Variants in AKAP12 observed in about 807,000 individuals in gnomAD.
AKAP12 encodes the protein A-kinase anchor protein 12.
A neutral mutation model predicts 79.9 loss-of-function variants in AKAP12; 32 were observed. The observed-to-expected ratio is 0.40, with a 90% confidence interval of 0.30 to 0.54. The LOEUF (loss-of-function observed/expected upper bound fraction) is 0.54, where lower values mean the gene tolerates loss of function less well. Ranked by LOEUF, AKAP12 falls within the 20% of genes least tolerant of loss-of-function variation. The probability of loss-of-function intolerance (pLI) is 0.48; values close to 1 mark genes in which losing one functional copy is unlikely to be tolerated. For missense variants in AKAP12, 2,074 were observed against 2,177.0 expected (o/e 0.95, Z 0.94); for synonymous variants, 808 against 857.0 (o/e 0.94, Z 1.00).
intron 3 of AKAP12, chr6:151,341,813 C>G: frequency 7.8e-7 from 1 of 1,285,972 alleles, no homozygotes; most frequent in Non-Finnish European, 1.0e-6. Context: ...CAGCCTCCTT[C>G]CTTCCCGTCC....
At chr6:151,288,499 A>G (rs1562722805) in intron 2 of AKAP12, among the ~76,000 whole-genome samples, 1 of 152,194 alleles carries the variant, frequency 6.6e-6, no homozygotes, top group Non-Finnish European at 1.5e-5. Context: ...GGGACAGAGC[A>G]AGACATCGTC....
intron 4 of AKAP12, 34 bp downstream of exon 4, chr6:151,353,786 C>G: frequency 7.0e-7 from 1 of 1,433,838 alleles, no homozygotes; most frequent in Non-Finnish European, 9.3e-7. Context: ...TAATTTTTCT[C>G]TTTTATGCCA....
chr6:151,336,375 A>T (rs190569777), intron 3 of AKAP12, among the ~76,000 whole-genome samples: 1 of 152,300 alleles, frequency 6.6e-6, no homozygotes, highest in East Asian at 1.9e-4. Context: ...ACTAATTTAC[A>T]TTCCCACTGG....
intron 2 of AKAP12, among the ~76,000 whole-genome samples, chr6:151,291,683 A>G (rs1451321582): frequency 6.6e-6 from 1 of 152,270 alleles, no homozygotes; most frequent in Non-Finnish European, 1.5e-5. Context: ...GCTATTAAGC[A>G]TCCACGGACC....
chr6:151,321,854 G>A (rs144792029), intron 3 of AKAP12, among the ~76,000 whole-genome samples: 1 of 148,604 alleles, frequency 6.7e-6, no homozygotes, highest in East Asian at 2.0e-4. Flanking sequence ...GGTCTTCCTT[G>A]CCCCCCGCCA....
chr6:151,327,424 A>G (rs1777557141), intron 3 of AKAP12, among the ~76,000 whole-genome samples: 1 of 151,936 alleles, frequency 6.6e-6, no homozygotes, highest in African/African-American at 2.4e-5. Flanking sequence ...AAAAATCTCC[A>G]TTTTTTCCCC....
intron 2 of AKAP12, among the ~76,000 whole-genome samples, chr6:151,254,359 C>CT (rs72424619): frequency 0.61 from 91,498 of 150,242 alleles, 28,837 homozygotes; most frequent in East Asian, 0.96. Context: ...TTAGATTAGT[C>CT]TTTTTTGTTT....
intron 2 of AKAP12, among the ~76,000 whole-genome samples, chr6:151,299,663 G>A (rs1343864526): frequency 6.6e-6 from 1 of 151,934 alleles, no homozygotes; most frequent in African/African-American, 2.4e-5. Context: ...TCACACATGA[G>A]TGTGTCTAAA....
At chr6:151,294,059 C>G (rs1214264849) in intron 2 of AKAP12, among the ~76,000 whole-genome samples, 1 of 152,006 alleles carries the variant, frequency 6.6e-6, no homozygotes, top group East Asian at 1.9e-4. Context: ...CCGCAACCTC[C>G]TCCTCCCAGG....
chr6:151,349,616 G>C lies in AKAP12; in HGVS notation c.1225G>C (p.Glu409Gln). The C allele has an allele frequency of 6.2e-7, 1 of 1,611,228 alleles. No individual in the cohort carries two copies. The highest frequency in any genetic ancestry group is 8.5e-7 in the Non-Finnish European group (1 of 1,179,208). ...LATEVFDEKI[E>Q]VHQEEVVAEV... The stretch of plus-strand genomic sequence containing the variant: ...GACAGAAGTGTTTGATGAGAAAATA[G>C]AAGTCCACCAAGAAGAGGTTGTGGC... The change falls in exon 4 of 5, where the codon GAA (glutamate) becomes CAA (glutamine). Residue 409 changes from glutamate to glutamine, a missense_variant. By Grantham distance (29) the Glu-to-Gln change is conservative. Transcript: ENST00000402676.
At chr6:151,304,978 A>C (rs1582869348) in intron 2 of AKAP12, among the ~76,000 whole-genome samples, 1 of 152,340 alleles carries the variant, frequency 6.6e-6, no homozygotes, top group East Asian at 1.9e-4. Context: ...ACAATGACCC[A>C]AATGGACATG....
chr6:151,311,791 C>T (rs932164932), intron 3 of AKAP12, among the ~76,000 whole-genome samples: 36 of 152,154 alleles, frequency 2.4e-4, no homozygotes, highest in African/African-American at 7.5e-4. Context: ...GAAAGATTAC[C>T]GCCAGATAAT....
At chr6:151,243,103 A>G (rs1286095012) in intron 2 of AKAP12, among the ~76,000 whole-genome samples, 1 of 152,240 alleles carries the variant, frequency 6.6e-6, no homozygotes, top group Non-Finnish European at 1.5e-5. Context: ...TTCTCTAGAT[A>G]TAGAGTGACT....
intron 2 of AKAP12, among the ~76,000 whole-genome samples, chr6:151,289,713 T>C (rs1430449927): frequency 1.3e-5 from 2 of 152,204 alleles, no homozygotes; most frequent in Non-Finnish European, 2.9e-5. Flanking sequence ...AATGTCTTGA[T>C]CAATACATTC....
Position 151,251,525 on chromosome 6 carries a change from T to C in AKAP12, c.162+10801T>C, listed in dbSNP as rs192273508. Among the ~76,000 whole-genome samples the C allele has an allele frequency of 5.3e-5, 8 of 152,256 alleles. No homozygotes were observed. The East Asian group carries it at 1.5e-3, about 29-fold the overall frequency. ...GGGTAAGTCACAAACAATGAGATTTTAAGAGTTGGAAGATGGAGTACCTCT... is the reference window on the plus strand; with the variant it reads ...GGGTAAGTCACAAACAATGAGATTTCAAGAGTTGGAAGATGGAGTACCTCT... On this transcript the variant is annotated intron_variant, in intron 2 of 4. Transcript: ENST00000402676.
intron 3 of AKAP12, among the ~76,000 whole-genome samples, chr6:151,317,892 A>G (rs562918073): frequency 9.8e-5 from 15 of 152,346 alleles, no homozygotes; most frequent in Admixed American, 2.6e-4. Context: ...TGCTTTCCAG[A>G]TAACTGTTAG....
Position 151,345,452 on chromosome 6 carries a change from G to A in AKAP12, c.320-3259G>A, listed in dbSNP as rs903953607. Among the ~76,000 whole-genome samples, 3 of 114,200 alleles carry A rather than the reference G, an allele frequency of 2.6e-5. No homozygotes were observed. In the Admixed American group the frequency reaches 2.7e-4, roughly 10 times the overall value. 74.9% of individuals were successfully genotyped at this position (114,200 alleles called of 152,430 possible). A position where few individuals can be genotyped will look rare whatever the true frequency, so the allele number is the denominator to read the frequency against. On this transcript the variant is annotated intron_variant, in intron 3 of 4. Coordinates refer to ENST00000402676, the MANE Select transcript of AKAP12 (RefSeq NM_005100.4). ...CAGGTTTTGTTAAGATCTTTTTGGT[G>A]TCCATTTTAATTGACCTGTTTAGTA...
At chr6:151,318,804 G>A (rs947608849) in intron 3 of AKAP12, among the ~76,000 whole-genome samples, 2 of 152,118 alleles carry the variant, frequency 1.3e-5, no homozygotes, top group African/African-American at 4.8e-5. Flanking sequence ...TTATCTAGGT[G>A]TGGTGTTGCA....
chr6:151,263,326 C>T (rs1797474607), intron 2 of AKAP12, among the ~76,000 whole-genome samples: 1 of 151,972 alleles, frequency 6.6e-6, no homozygotes, highest in Admixed American at 6.6e-5. Context: ...TGAGTCACCA[C>T]TTCTGGGCCT....
Sources: gnomAD v4.1 joint callset for allele counts (sites outside exome capture counted in the v4.1 genomes callset) on GRCh38, gnomAD v4.1.1 for gene constraint, MANE v1.5 for transcripts, NCBI Gene and HGNC (gene_info 2026-07-23, HGNC 2026-07-21) for gene names.